NEGR1: variants seen among roughly 807,000 people sequenced by gnomAD.
The protein encoded by NEGR1 is neuronal growth regulator 1, also known as IgLON family member 4.
A neutral mutation model predicts 40.9 loss-of-function variants in NEGR1; 10 were observed. That is an observed-to-expected ratio of 0.24 (90% CI 0.15 to 0.42). NEGR1 has a LOEUF of 0.42. Among genes scored for constraint, NEGR1 ranks in the 10% least tolerant of loss-of-function variants. The pLI is 1.00. For synonymous variants in NEGR1, 185 were observed against 166.8 expected, an observed-to-expected ratio of 1.11 and a Z score of -0.84; for missense variants, 352 against 438.9, an observed-to-expected ratio of 0.80 and a Z score of 1.77.
At chr1:71,478,791 G>A (rs1360862615) in intron 6 of NEGR1, among the ~76,000 whole-genome samples, 1 of 148,012 alleles carries the variant, frequency 6.8e-6, no homozygotes, top group Non-Finnish European at 1.5e-5. Flanking sequence ...TGCTACTATG[G>A]AGACAGAATT....
chr1:71,694,606 T>G (rs188936672), intron 4 of NEGR1, among the ~76,000 whole-genome samples: 1 of 151,712 alleles, frequency 6.6e-6, no homozygotes, highest in African/African-American at 2.4e-5. Flanking sequence ...TGAATAGAAA[T>G]CCACAGTGAC....
intron 1 of NEGR1, among the ~76,000 whole-genome samples, chr1:72,065,391 A>G (rs977701632): frequency 6.6e-6 from 1 of 152,196 alleles, no homozygotes; most frequent in Non-Finnish European, 1.5e-5. Flanking sequence ...TTGTCACAAT[A>G]TGGTAGCTAC....
rs55782265 is a variant in NEGR1, at chr1:71,960,840, C to A, written c.177-25529G>T. 6.2e-3 allele frequency among the ~76,000 whole-genome samples: 947 copies of A among 152,178 alleles called. 6 individuals carry two copies. Among genetic ancestry groups the A allele is most frequent in the Non-Finnish European group, 0.011 (720 of 67,972 alleles). On this transcript the variant is annotated intron_variant, in intron 1 of 6. Transcript: ENST00000357731. ...ACTCAGTCAGCTCTTATAAAATTAT[C>A]TTTTATTAAAATGAACTGTAAGTTT...
In NEGR1 at chr1:71,696,864, C is replaced by A. The variant is rs982278868; in HGVS notation, c.667+1144G>T. Among the ~76,000 whole-genome samples the A allele has an allele frequency of 2.0e-5, 3 of 151,728 alleles. No homozygotes were observed. The South Asian group carries it at 6.2e-4, about 31-fold the overall frequency. On this transcript the variant is annotated intron_variant, in intron 4 of 6. Transcript: ENST00000357731. ...TGGCAATTTTACTACAATTTGTTTG[C>A]AGAACACTCCATGAGAAATCCTGCT...
chr1:71,717,172 A>T (rs961986702), intron 3 of NEGR1, among the ~76,000 whole-genome samples: 1 of 152,214 alleles, frequency 6.6e-6, no homozygotes, highest in African/African-American at 2.4e-5. Flanking sequence ...TTACATTTGT[A>T]AGAATTATAA....
At chr1:71,988,527 C>T (rs1646421169) in intron 1 of NEGR1, among the ~76,000 whole-genome samples, 1 of 105,846 alleles carries the variant, frequency 9.4e-6, no homozygotes, top group Non-Finnish European at 1.7e-5. Flanking sequence ...TCCTGGGCGA[C>T]AGAGCGAGAC....
chr1:71,659,234 A>G (rs1320815573), intron 4 of NEGR1, among the ~76,000 whole-genome samples: 1 of 152,160 alleles, frequency 6.6e-6, no homozygotes, highest in Non-Finnish European at 1.5e-5. Context: ...AGTTAAGCCA[A>G]TTGTGTGTTG....
chr1:71,498,950 T>A (rs1192869478), intron 6 of NEGR1, among the ~76,000 whole-genome samples: 1 of 152,190 alleles, frequency 6.6e-6, no homozygotes, highest in Non-Finnish European at 1.5e-5. Flanking sequence ...TTATCCAAAG[T>A]CGCTTCAAAG....
At chr1:71,831,730 C>A (rs1258876104) in intron 2 of NEGR1, among the ~76,000 whole-genome samples, 2 of 151,366 alleles carry the variant, frequency 1.3e-5, no homozygotes, top group Non-Finnish European at 2.9e-5. Context: ...GGATCGAACT[C>A]ATGTTGGTCC....
At chr1:71,674,020 C>T (rs116643616) in intron 4 of NEGR1, among the ~76,000 whole-genome samples, 3,659 of 151,972 alleles carry the variant, frequency 0.024, 150 homozygotes, top group African/African-American at 0.084. Context: ...TGGTATTTAA[C>T]GTGAAAAATA....
At chr1:71,919,373 A>T (rs1661692866) in intron 2 of NEGR1, among the ~76,000 whole-genome samples, 1 of 152,340 alleles carries the variant, frequency 6.6e-6, no homozygotes, top group East Asian at 1.9e-4. Context: ...GTTCAATGTA[A>T]TGATTACCTA....
chr1:72,049,624 T>TTTCC (rs1194145132), intron 1 of NEGR1, among the ~76,000 whole-genome samples: 1 of 151,552 alleles, frequency 6.6e-6, no homozygotes, highest in African/African-American at 2.4e-5. Flanking sequence ...TTCCTCTGTG[T>TTTCC]TTCCCATTGT....
At chr1:71,782,834 C>G (rs956589230) in intron 2 of NEGR1, among the ~76,000 whole-genome samples, 1 of 152,174 alleles carries the variant, frequency 6.6e-6, no homozygotes, top group Non-Finnish European at 1.5e-5. Context: ...AAATATTCCT[C>G]TAACTCATTT....
intron 1 of NEGR1, among the ~76,000 whole-genome samples, chr1:72,253,208 T>G (rs373703842): frequency 6.6e-6 from 1 of 152,338 alleles, no homozygotes; most frequent in African/African-American, 2.4e-5. Context: ...TTGTCATCTC[T>G]TCCTATTGTC....
chr1:71,547,889 T>A (rs1647954321), intron 6 of NEGR1, among the ~76,000 whole-genome samples: 1 of 151,724 alleles, frequency 6.6e-6, no homozygotes, highest in Non-Finnish European at 1.5e-5. Context: ...AAAGAGTCAC[T>A]GCAATTTGTG....
intron 1 of NEGR1, among the ~76,000 whole-genome samples, chr1:72,004,370 G>A (rs910171562): frequency 1.3e-5 from 2 of 152,064 alleles, no homozygotes; most frequent in Non-Finnish European, 2.9e-5. Flanking sequence ...GCAGTGGCAC[G>A]ATCTCTGCTC....
intron 6 of NEGR1, among the ~76,000 whole-genome samples, chr1:71,538,272 C>T (rs959346229): frequency 1.3e-5 from 2 of 151,610 alleles, no homozygotes; most frequent in Admixed American, 1.3e-4. Context: ...ACTCTGCACA[C>T]ACGATATATT....
chr1:72,015,342 A>AG (rs1192381814), intron 1 of NEGR1, among the ~76,000 whole-genome samples: 5 of 152,114 alleles, frequency 3.3e-5, no homozygotes, highest in Admixed American at 2.6e-4. Flanking sequence ...TAAAAAAAAA[A>AG]CAGATGTATA....
At chr1:71,846,576 T>C (rs1659421973) in intron 2 of NEGR1, among the ~76,000 whole-genome samples, 1 of 152,158 alleles carries the variant, frequency 6.6e-6, no homozygotes, top group Admixed American at 6.5e-5. Flanking sequence ...ATTCCACACA[T>C]ATTACTTTCT....
Sources: allele counts gnomAD v4.1 joint callset (sites outside exome capture counted in the v4.1 genomes callset), GRCh38; gene constraint gnomAD v4.1.1; transcripts MANE v1.5; gene names NCBI Gene and HGNC (gene_info 2026-07-23, HGNC 2026-07-21).